SSTR5: variants seen among roughly 807,000 people sequenced by gnomAD.
The protein encoded by SSTR5 is somatostatin receptor 5.
A neutral mutation model predicts 0.3 loss-of-function variants in SSTR5; 1 was observed. That is an observed-to-expected ratio of 2.98 (90% CI 1.06 to 14.15). The LOEUF is 14.15. Ranked by LOEUF, SSTR5 falls within the 30% of genes most tolerant of loss-of-function variation. The probability of loss-of-function intolerance (pLI) is 0.12; values close to 1 mark genes in which losing one functional copy is unlikely to be tolerated. For missense variants in SSTR5, 516 were observed against 543.2 expected (o/e 0.95, Z 0.50); for synonymous variants, 256 against 263.1 (o/e 0.97, Z 0.26).
At chr16:1,073,268 G>A (rs932948932) in intron 1 of SSTR5, 1 of 152,308 alleles carries the variant, frequency 6.6e-6, no homozygotes, top group Non-Finnish European at 1.5e-5. Flanking sequence ...CTGGGGCTGG[G>A]GGCCGGAAGT....
At chr16:1,074,738 G>A (rs144851809) in intron 1 of SSTR5, among the ~76,000 whole-genome samples, 1 of 152,226 alleles carries the variant, frequency 6.6e-6, no homozygotes, top group Non-Finnish European at 1.5e-5. Flanking sequence ...GCTGACCCTG[G>A]CACACCGGGC....
rs185342236 is a variant in SSTR5 at position 1,081,228 on chromosome 16, G to A, written c.*1265G>A. 22 of 431,674 alleles carry A rather than the reference G, an allele frequency of 5.1e-5. No homozygotes were observed. The East Asian group carries it at 1.0e-3, about 20-fold the overall frequency. The allele number at this position is 431,674 out of a possible 1,614,324, so 26.7% of individuals were successfully genotyped here. The stretch of plus-strand genomic sequence containing the variant: ...GAAGGACCAGGGTGCGGCATCACTC[G>A]GCCTCAGGGACCCCTCTGCCCTGCC... On this transcript the variant is annotated 3_prime_UTR_variant, in exon 2 of 2. Transcript: ENST00000689027.
At chr16:1,075,262 C>T (rs1162930855) in intron 1 of SSTR5, among the ~76,000 whole-genome samples, 4 of 152,176 alleles carry the variant, frequency 2.6e-5, no homozygotes, top group Admixed American at 6.5e-5. Context: ...GCCGCAGAGC[C>T]GGGGACCTGG....
chr16:1,076,519 G>A (rs2151555773), intron 1 of SSTR5, among the ~76,000 whole-genome samples: 1 of 151,210 alleles, frequency 6.6e-6, no homozygotes, highest in African/African-American at 2.4e-5. Context: ...CCTTTATGCT[G>A]CTTGGGACAG....
Position 1,075,445 on chromosome 16 carries a change from C to T in SSTR5, c.-28+2623C>T, listed in dbSNP as rs112141536. Among the ~76,000 whole-genome samples, 162 of 152,188 alleles carry T rather than the reference C, an allele frequency of 1.1e-3. 2 individuals are homozygous for T. The highest frequency in any genetic ancestry group is 3.7e-3 in the African/African-American group (153 of 41,494). On this transcript the variant is annotated intron_variant, in intron 1 of 1. Coordinates refer to ENST00000689027, the MANE Select transcript of SSTR5 (RefSeq NM_001172560.3). ...ATCACAGCACCACTTCGATCCAGCT[C>T]GGGCAACAGAGCAAGACCCCATCTC...
At chr16:1,073,908 T>C (rs1454081386) in intron 1 of SSTR5, among the ~76,000 whole-genome samples, 1 of 152,090 alleles carries the variant, frequency 6.6e-6, no homozygotes, top group African/African-American at 2.4e-5. Flanking sequence ...TGTCAGGAGG[T>C]GCCTGGTGTG....
chr16:1,073,952 G>A (rs961679084), intron 1 of SSTR5, among the ~76,000 whole-genome samples: 7 of 152,318 alleles, frequency 4.6e-5, no homozygotes, highest in East Asian at 3.9e-4. Flanking sequence ...CGGAGCACGC[G>A]GGACCCCTGC....
intron 1 of SSTR5, among the ~76,000 whole-genome samples, chr16:1,073,934 AG>A (rs1452669346): frequency 6.6e-6 from 1 of 152,162 alleles, no homozygotes; most frequent in East Asian, 1.9e-4. Context: ...TGCCCCGAGA[AG>A]CGTTCGCGGA....
Position 1,079,936 on chromosome 16 carries a change from C to T in SSTR5, c.1068C>T (p.Asn356=), listed in dbSNP as rs753983181. Residue 356 remains asparagine, a synonymous_variant, in exon 2 of 2, where the codon AAC becomes AAT. Transcript: ENST00000689027. ...CACCCGCGCACCGCGCCGCAGCCAA[C>T]GGGCTTATGCAGACCAGCAAGCTGT... ...ATPPAHRAAA[N]GLMQTSKL The T allele has an allele frequency of 4.7e-5, 75 of 1,603,354 alleles. No individual in the cohort carries two copies. The highest frequency in any genetic ancestry group is 1.7e-4 in the Admixed American group (10 of 58,902).
chr16:1,075,971 C>A (rs1452299991), intron 1 of SSTR5, among the ~76,000 whole-genome samples: 1 of 1,330 alleles, frequency 7.5e-4, no homozygotes, highest in Non-Finnish European at 1.8e-3. Context: ...CCCCCTCTCT[C>A]TCCCTCCCCC....
Position 1,079,068 on chromosome 16 carries a change from G to A in SSTR5, c.200G>A (p.Arg67His), listed in dbSNP as rs376177738. ...ACGCTGGTCATCTACGTGGTGCTGCGCTTCGCCAAGATGAAGACCGTCACC... is the reference window on the plus strand; with the variant it reads ...ACGCTGGTCATCTACGTGGTGCTGCACTTCGCCAAGATGAAGACCGTCACC... ...GNTLVIYVVL[R>H]FAKMKTVTNI... Residue 67 changes from arginine (R) to histidine (H), a missense_variant, in exon 2 of 2, where the codon CGC (arginine) becomes CAC (histidine). By Grantham distance (29) the Arg-to-His change is conservative. Coordinates refer to ENST00000689027, the MANE Select transcript of SSTR5 (RefSeq NM_001172560.3). The A allele has an allele frequency of 1.1e-5, 18 of 1,612,396 alleles. No individual in the cohort carries two copies. Among genetic ancestry groups the A allele is most frequent in the Middle Eastern group, 1.6e-4 (1 of 6,084 alleles).
At chr16:1,076,956 C>G (rs1596235909) in intron 1 of SSTR5, among the ~76,000 whole-genome samples, 1 of 152,140 alleles carries the variant, frequency 6.6e-6, no homozygotes, top group East Asian at 1.9e-4. Context: ...TGTTGATTTT[C>G]TGAGTCGTAT....
chr16:1,079,467 T>C lies in SSTR5; in HGVS notation c.599T>C (p.Val200Ala). Residue 200 changes from valine (V) to alanine (A), a missense_variant, in exon 2 of 2, where the codon GTC becomes GCC. By Grantham distance (64) the Val-to-Ala change is moderately conservative. Transcript: ENST00000689027. Reference protein sequence around the residue: ...WPEPVGLWGAVFIIYTAVLGF... With the variant: ...WPEPVGLWGAAFIIYTAVLGF... ...GAGCCCGTGGGGCTGTGGGGCGCCG[T>C]CTTCATCATCTACACGGCCGTGCTG... The C allele has an allele frequency of 6.2e-7, 1 of 1,609,464 alleles. No homozygotes were observed. The highest frequency in any genetic ancestry group is 8.5e-7 in the Non-Finnish European group (1 of 1,178,406).
Position 1,080,430 on chromosome 16 carries a change from A to G in SSTR5, c.*467A>G, listed in dbSNP as rs1333127299. Among the ~76,000 whole-genome samples, 2 of 152,218 alleles carry G rather than the reference A, an allele frequency of 1.3e-5. No individual in the cohort carries two copies. The highest frequency in any genetic ancestry group is 2.9e-5 in the Non-Finnish European group (2 of 68,034). On this transcript the variant is annotated 3_prime_UTR_variant, in exon 2 of 2. Coordinates refer to ENST00000689027, the MANE Select transcript of SSTR5 (RefSeq NM_001172560.3). ...CTCTGCTAAGTTAAAGACACCCGAAAGCGCTTGACTCAGGTCCCCGGAGTC... is the reference window on the plus strand; with the variant it reads ...CTCTGCTAAGTTAAAGACACCCGAAGGCGCTTGACTCAGGTCCCCGGAGTC...
In SSTR5 at chr16:1,080,814, C is replaced by T. The variant is rs774476998; in HGVS notation, c.*851C>T. 6.6e-6 allele frequency among the ~76,000 whole-genome samples: 1 copy of T among 152,080 alleles called. No homozygotes were observed. Among genetic ancestry groups the T allele is most frequent in the Non-Finnish European group, 1.5e-5 (1 of 67,974 alleles). On this transcript the variant is annotated 3_prime_UTR_variant, in exon 2 of 2. Coordinates refer to ENST00000689027, the MANE Select transcript of SSTR5 (RefSeq NM_001172560.3). Reference sequence around the variant, plus strand: ...GTCTGGAGGGGTCCAGTGTGGGGTGCCTGAGGGCACTAGGGAGAGGTGCTC... The same window carrying T: ...GTCTGGAGGGGTCCAGTGTGGGGTGTCTGAGGGCACTAGGGAGAGGTGCTC...
intron 1 of SSTR5, among the ~76,000 whole-genome samples, chr16:1,073,837 TG>T (rs1363667954): frequency 2.0e-5 from 3 of 152,210 alleles, no homozygotes; most frequent in African/African-American, 7.2e-5. Context: ...GGGCAGAAAC[TG>T]GTCAACAGCA....
chr16:1,078,438 G>A (rs995871146), intron 1 of SSTR5: 14 of 194,008 alleles, frequency 7.2e-5, no homozygotes, highest in Middle Eastern at 4.6e-3. Flanking sequence ...GGGGCCGCCC[G>A]CTGGGCCTCG....
At chr16:1,075,014 C>T (rs74001154) in intron 1 of SSTR5, among the ~76,000 whole-genome samples, 3,109 of 152,220 alleles carry the variant, frequency 0.02, 91 homozygotes, top group African/African-American at 0.071. Context: ...CCTTCGTGGC[C>T]GAGGGCTCGG....
At position 1,079,910 on chromosome 16, in the gene SSTR5, CCACCCGCGCACCG is replaced by C. The variant is rs1405910750; in HGVS notation, c.1044_1056del (p.Ala350GlnfsTer37). 6.2e-7 allele frequency: 1 copy of C among 1,607,108 alleles called. No homozygotes were observed. Among genetic ancestry groups the C allele is most frequent in the South Asian group, 1.1e-5 (1 of 90,716 alleles). Reference sequence around the variant, plus strand: ...GATCCGGCAGCAGCAGGAGGCCACGCCACCCGCGCACCGCGCCGCAGCCAACGGGCTTATGCAG... The same window carrying C: ...GATCCGGCAGCAGCAGGAGGCCACGCCGCCGCAGCCAACGGGCTTATGCAG... On this transcript the variant is annotated frameshift_variant, in exon 2 of 2. Transcript: ENST00000689027. LOFTEE classifies it high-confidence loss of function.
Sources: allele counts gnomAD v4.1 joint callset (sites outside exome capture counted in the v4.1 genomes callset), GRCh38; gene constraint gnomAD v4.1.1; transcripts MANE v1.5; gene names NCBI Gene and HGNC (gene_info 2026-07-23, HGNC 2026-07-21).